Variants in ROBO1 observed in about 807,000 individuals in gnomAD.
The protein encoded by ROBO1 is roundabout guidance receptor 1.
In ROBO1, 149 loss-of-function variants were observed where a neutral mutation model predicts 195.9. The observed-to-expected ratio is 0.76, with a 90% CI of 0.67 to 0.87. ROBO1 has a LOEUF of 0.87. Among genes scored for constraint, ROBO1 ranks in the 40% least tolerant of loss-of-function variants. The pLI, the probability that ROBO1 is intolerant of heterozygous loss-of-function variation, is 0.00. For missense variants in ROBO1, 1,933 were observed against 2,068.3 expected, an observed-to-expected ratio of 0.93 and a Z score of 1.27; for synonymous variants, 816 against 733.2, an observed-to-expected ratio of 1.11 and a Z score of -1.82.
At chr3:79,217,331 G>A (rs1403314840) in intron 2 of ROBO1, among the ~76,000 whole-genome samples, 1 of 151,762 alleles carries the variant, frequency 6.6e-6, no homozygotes, top group Non-Finnish European at 1.5e-5. Context: ...TTAGACTTTG[G>A]TTTCAGATAT....
intron 2 of ROBO1, among the ~76,000 whole-genome samples, chr3:79,584,201 C>T (rs1437801074): frequency 2.0e-5 from 3 of 149,778 alleles, no homozygotes; most frequent in African/African-American, 7.3e-5. Flanking sequence ...GTACATATAT[C>T]ATATATGCAT....
intron 3 of ROBO1, among the ~76,000 whole-genome samples, chr3:78,953,438 T>G (rs528667939): frequency 6.6e-6 from 1 of 152,190 alleles, no homozygotes; most frequent in Admixed American, 6.5e-5. Context: ...ATTAGTTGTT[T>G]ACCTGTATAT....
chr3:79,192,528 T>C (rs1217418503), intron 2 of ROBO1, among the ~76,000 whole-genome samples: 2 of 151,598 alleles, frequency 1.3e-5, no homozygotes, highest in Non-Finnish European at 3.0e-5. Context: ...TACAAACAAT[T>C]AGCAGGAGGC....
chr3:79,211,509 T>C (rs2081965624), intron 2 of ROBO1, among the ~76,000 whole-genome samples: 1 of 152,034 alleles, frequency 6.6e-6, no homozygotes, highest in Non-Finnish European at 1.5e-5. Context: ...AAGGTGACTA[T>C]AAACTTGAAC....
chr3:79,526,684 C>T (rs1941444819), intron 2 of ROBO1: 1 of 152,164 alleles, frequency 6.6e-6, no homozygotes, highest in South Asian at 2.1e-4. Context: ...AACTTCTCTA[C>T]AATTCATGAG....
At chr3:78,678,134 A>G (rs898484410) in intron 10 of ROBO1, among the ~76,000 whole-genome samples, 2 of 152,144 alleles carry the variant, frequency 1.3e-5, no homozygotes, top group Non-Finnish European at 2.9e-5. Flanking sequence ...AATGAGAACA[A>G]AGACACAACA....
At chr3:78,791,599 G>T (rs1479174216) in intron 4 of ROBO1, among the ~76,000 whole-genome samples, 4 of 152,128 alleles carry the variant, frequency 2.6e-5, no homozygotes, top group Non-Finnish European at 5.9e-5. Context: ...AAAAGAGACT[G>T]AAATTTTTAT....
chr3:79,225,458 C>T (rs968908664), intron 2 of ROBO1, among the ~76,000 whole-genome samples: 2 of 152,132 alleles, frequency 1.3e-5, no homozygotes, highest in South Asian at 2.1e-4. Context: ...ACACATTTGC[C>T]GTGTGTTTAG....
intron 1 of ROBO1, among the ~76,000 whole-genome samples, chr3:79,626,432 TCAAAAACAAAAA>T (rs561559049): frequency 6.6e-6 from 1 of 151,860 alleles, no homozygotes; most frequent in Non-Finnish European, 1.5e-5. Flanking sequence ...CAAGACTCCA[TCAAAAACAAAAA>T]CAAAAACAAA....
At chr3:79,649,109 G>C (rs1229194424) in intron 1 of ROBO1, among the ~76,000 whole-genome samples, 1 of 151,972 alleles carries the variant, frequency 6.6e-6, no homozygotes, top group Non-Finnish European at 1.5e-5. Context: ...TATTATGTTA[G>C]GATCTCTTTG....
intron 2 of ROBO1, among the ~76,000 whole-genome samples, chr3:79,437,370 T>C (rs1444838691): frequency 6.6e-6 from 1 of 152,018 alleles, no homozygotes; most frequent in Non-Finnish European, 1.5e-5. Flanking sequence ...TCCTTCTTGC[T>C]GGAAAAGATA....
intron 2 of ROBO1, among the ~76,000 whole-genome samples, chr3:79,241,437 A>C (rs2082515260): frequency 6.6e-6 from 1 of 152,086 alleles, no homozygotes; most frequent in African/African-American, 2.4e-5. Flanking sequence ...AGAAAAAAAT[A>C]AATTCTTTTC....
chr3:79,735,938 T>G (rs1387043975), intron 1 of ROBO1, among the ~76,000 whole-genome samples: 1 of 151,732 alleles, frequency 6.6e-6, no homozygotes. Context: ...CATTCAGGTA[T>G]CTTGTATCCA....
At chr3:79,149,988 A>G (rs2080734694) in intron 2 of ROBO1, among the ~76,000 whole-genome samples, 1 of 151,758 alleles carries the variant, frequency 6.6e-6, no homozygotes, top group Non-Finnish European at 1.5e-5. Flanking sequence ...AAGCTCCTGG[A>G]GGTAAAAATC....
chr3:79,125,648 CACACAAGG>C, intron 2 of ROBO1, 109 bp from the exon 3 acceptor site: 1 of 791,948 alleles, frequency 1.3e-6, no homozygotes, highest in Non-Finnish European at 2.2e-6. Flanking sequence ...GACAGAAAAA[CACACAAGG>C]ACAACACACA....
At chr3:79,313,982 A>T (rs2033614004) in intron 2 of ROBO1, among the ~76,000 whole-genome samples, 1 of 152,176 alleles carries the variant, frequency 6.6e-6, no homozygotes, top group South Asian at 2.1e-4. Context: ...GGCATTATTT[A>T]TAAAGATGTT....
intron 3 of ROBO1, among the ~76,000 whole-genome samples, chr3:79,043,795 A>C (rs1315094918): frequency 2.6e-5 from 4 of 152,160 alleles, no homozygotes; most frequent in Non-Finnish European, 4.4e-5. Flanking sequence ...AGGGTTACAA[A>C]TTCCAAAGTT....
At chr3:79,119,709 G>T (rs189073281) in intron 3 of ROBO1, among the ~76,000 whole-genome samples, 13 of 151,610 alleles carry the variant, frequency 8.6e-5, no homozygotes, top group African/African-American at 3.1e-4. Flanking sequence ...AATCCATAAG[G>T]TTATAAAGAG....
rs1219996777 is a variant in ROBO1, at chr3:78,631,282, C to A, written c.3505G>T (p.Ala1169Ser). The change falls in exon 25 of 31, where the codon GCA becomes TCA. Residue 1169 changes from alanine to serine, a missense_variant. Transcript: ENST00000464233. ...TSGSQGHKKGARTPKVPKQGG... is the reference protein window; with the variant it reads ...TSGSQGHKKGSRTPKVPKQGG... The stretch of plus-strand genomic sequence containing the variant: ...TGTTTTGGTACCTTGGGTGTTCTTG[C>A]CCCTTTCTTGTGCCCCTGACTCCCT... The A allele has an allele frequency of 1.6e-5, 25 of 1,612,802 alleles. No homozygotes were observed. The highest frequency in any genetic ancestry group is 2.1e-5 in the Non-Finnish European group (25 of 1,179,242).
Sources: gnomAD v4.1 joint callset for allele counts (sites outside exome capture counted in the v4.1 genomes callset) on GRCh38, gnomAD v4.1.1 for gene constraint, MANE v1.5 for transcripts, NCBI Gene and HGNC (gene_info 2026-07-23, HGNC 2026-07-21) for gene names.